The following CSMD1 variants were observed in gnomAD, a reference collection of about 807,000 sequenced individuals.
The protein encoded by CSMD1 is CUB and sushi domain-containing protein 1.
Under a neutral mutation model 417.5 loss-of-function variants are expected in CSMD1, and 213 were observed. The ratio of observed to expected loss-of-function variants is 0.51; its 90% CI spans 0.46 to 0.57. The LOEUF is 0.57. CSMD1 is among the 20% of genes least tolerant of loss of function. The probability of loss-of-function intolerance (pLI) is 0.00; values close to 1 mark genes in which losing one functional copy is unlikely to be tolerated. For synonymous variants in CSMD1, 2,862 were observed against 1,736.8 expected (o/e 1.65, Z -16.11); for missense variants, 6,923 against 4,529.7 (o/e 1.53, Z -15.17).
intron 2 of CSMD1, among the ~76,000 whole-genome samples, chr8:4,475,882 G>C (rs762051050): frequency 2.0e-5 from 3 of 152,208 alleles, no homozygotes; most frequent in South Asian, 2.1e-4. Flanking sequence ...GAAAGTGCTG[G>C]AATTACAGGC....
chr8:3,795,083 C>A (rs1222239374), intron 5 of CSMD1, among the ~76,000 whole-genome samples: 2 of 141,492 alleles, frequency 1.4e-5, no homozygotes, highest in African/African-American at 2.6e-5. Flanking sequence ...TCATGTACAG[C>A]TATAGATATA....
intron 5 of CSMD1, among the ~76,000 whole-genome samples, chr8:3,926,724 T>TTC (rs1809756292): frequency 6.9e-6 from 1 of 144,684 alleles, no homozygotes; most frequent in Non-Finnish European, 1.5e-5. Flanking sequence ...CTTTTTTTTT[T>TTC]TTTTTTTTTT....
intron 2 of CSMD1, among the ~76,000 whole-genome samples, chr8:4,486,385 C>A (rs979941837): frequency 2.7e-5 from 4 of 150,512 alleles, no homozygotes; most frequent in Admixed American, 2.0e-4. Flanking sequence ...ATCTCCTTCT[C>A]ATTTTTACTT....
At chr8:4,808,146 C>T (rs575498809) in intron 1 of CSMD1, among the ~76,000 whole-genome samples, 3 of 152,186 alleles carry the variant, frequency 2.0e-5, no homozygotes, top group South Asian at 2.1e-4. Context: ...TCCACCACCA[C>T]GATTCCGGCG....
intron 1 of CSMD1, among the ~76,000 whole-genome samples, chr8:4,901,502 T>A (rs928209006): frequency 9.2e-5 from 14 of 151,794 alleles, no homozygotes; most frequent in Non-Finnish European, 1.6e-4. Flanking sequence ...TTTTCCATCT[T>A]TGTGAGCTTA....
chr8:3,057,642 T>C (rs1266744968), intron 49 of CSMD1, among the ~76,000 whole-genome samples: 1 of 152,164 alleles, frequency 6.6e-6, no homozygotes, highest in Non-Finnish European at 1.5e-5. Context: ...TCGACTTTCT[T>C]ACAGATAAAG....
At chr8:4,675,642 G>T (rs1186048183) in intron 1 of CSMD1, among the ~76,000 whole-genome samples, 1 of 152,124 alleles carries the variant, frequency 6.6e-6, no homozygotes, top group Non-Finnish European at 1.5e-5. Flanking sequence ...AAGTAAGCAG[G>T]ATATCTTTCT....
At chr8:4,986,774 C>A (rs1395452763) in intron 1 of CSMD1, among the ~76,000 whole-genome samples, 4 of 151,926 alleles carry the variant, frequency 2.6e-5, no homozygotes, top group Non-Finnish European at 5.9e-5. Context: ...AATAGAGGCA[C>A]TGATGATAAA....
At chr8:4,424,513 T>A (rs560364702) in intron 2 of CSMD1, among the ~76,000 whole-genome samples, 8 of 151,840 alleles carry the variant, frequency 5.3e-5, no homozygotes, top group African/African-American at 1.9e-4. Flanking sequence ...TTTCAGCCAA[T>A]CAGAATAGCT....
intron 2 of CSMD1, among the ~76,000 whole-genome samples, chr8:4,461,871 G>C (rs910425964): frequency 1.3e-5 from 2 of 151,222 alleles, no homozygotes; most frequent in East Asian, 2.0e-4. Context: ...CTCCCGAGTA[G>C]CTCGGACTAC....
At chr8:3,726,940 G>C (rs1469522765) in intron 6 of CSMD1, among the ~76,000 whole-genome samples, 1 of 152,130 alleles carries the variant, frequency 6.6e-6, no homozygotes, top group Non-Finnish European at 1.5e-5. Context: ...AACAATTAAT[G>C]ACTAAACTCT....
chr8:4,083,027 G>T (rs187864813), intron 3 of CSMD1, among the ~76,000 whole-genome samples: 1 of 151,682 alleles, frequency 6.6e-6, no homozygotes, highest in African/African-American at 2.4e-5. Flanking sequence ...TTGGACATTT[G>T]GGTTTGTTCC....
At chr8:3,668,935 G>C (rs78979103) in intron 7 of CSMD1, among the ~76,000 whole-genome samples, 67 of 152,258 alleles carry the variant, frequency 4.4e-4, no homozygotes, top group African/African-American at 1.6e-3. Context: ...TTTGAGAGGC[G>C]TGACAGAAAC....
intron 10 of CSMD1, among the ~76,000 whole-genome samples, chr8:3,502,809 T>C (rs1451681378): frequency 5.3e-5 from 8 of 152,158 alleles, no homozygotes; most frequent in Non-Finnish European, 1.2e-4. Context: ...GTTGCCCAAA[T>C]CCACAGAGTA....
intron 3 of CSMD1, among the ~76,000 whole-genome samples, chr8:4,267,550 G>C (rs980306687): frequency 6.6e-6 from 1 of 151,856 alleles, no homozygotes; most frequent in East Asian, 1.9e-4. Context: ...AATTGTAATA[G>C]AAATAGCAAT....
intron 7 of CSMD1, among the ~76,000 whole-genome samples, chr8:3,659,461 C>G (rs1486006173): frequency 6.6e-6 from 1 of 152,146 alleles, no homozygotes. Context: ...TTTCAAATCT[C>G]CGAAACACAG....
At chr8:4,121,287 G>C (rs185463333) in intron 3 of CSMD1, among the ~76,000 whole-genome samples, 1 of 151,828 alleles carries the variant, frequency 6.6e-6, no homozygotes, top group Non-Finnish European at 1.5e-5. Context: ...GCTCGTTTTT[G>C]TATTTTTAGT....
At chr8:3,608,000 T>C (rs1474513245) in intron 8 of CSMD1, among the ~76,000 whole-genome samples, 3 of 152,012 alleles carry the variant, frequency 2.0e-5, no homozygotes, top group African/African-American at 7.2e-5. Flanking sequence ...GAAAACCCTG[T>C]CTCTACTAAA....
At chr8:4,255,559 G>C (rs763070679) in intron 3 of CSMD1, among the ~76,000 whole-genome samples, 5 of 151,024 alleles carry the variant, frequency 3.3e-5, no homozygotes, top group Admixed American at 1.3e-4. Flanking sequence ...TTATCTTCTA[G>C]ATAGAATTTT....
Sources: gnomAD v4.1 joint callset for allele counts (sites outside exome capture counted in the v4.1 genomes callset) on GRCh38, gnomAD v4.1.1 for gene constraint, MANE v1.5 for transcripts, NCBI Gene and HGNC (gene_info 2026-07-23, HGNC 2026-07-21) for gene names.